Variants in FSAF1 observed in about 807,000 individuals in gnomAD.
FSAF1 encodes 40S small subunit processome assembly factor 1, also known as uncharacterized protein C1orf131.
At chr1:231,241,059 A>G in the FSAF1 span, 1 of 1,614,108 alleles carries the variant, frequency 6.2e-7, no homozygotes, top group Non-Finnish European at 8.5e-7. Flanking sequence ...AGCGTCAAGA[A>G]GTGTCGGAGA....
At chr1:231,232,303 C>T in the FSAF1 span, among the ~76,000 whole-genome samples, 2 of 152,174 alleles carry the variant, frequency 1.3e-5, no homozygotes, top group African/African-American at 4.8e-5. Flanking sequence ...CTCACGCTTC[C>T]CCGTCTACTT....
At chr1:231,224,313 A>G in the FSAF1 span, 4 of 1,612,334 alleles carry the variant, frequency 2.5e-6, no homozygotes, top group Non-Finnish European at 3.4e-6. Flanking sequence ...TATTTTCTTG[A>G]TATCAACTGG....
chr1:231,240,968 A>T, the FSAF1 span: 1 of 1,493,552 alleles, frequency 6.7e-7, no homozygotes, highest in South Asian at 1.1e-5. This position sits in a 1 kb window ranked among gnomAD's most constrained non-coding sequence, Gnocchi z 4.1. Flanking sequence ...GCAACACAGG[A>T]GACCCACGTT....
chr1:231,225,851 G>A, the FSAF1 span: 10 of 323,236 alleles, frequency 3.1e-5, no homozygotes, highest in African/African-American at 1.7e-4. Flanking sequence ...AAAAGAATGT[G>A]AATGGCTATT....
At chr1:231,238,770 A>G in the FSAF1 span, 1 of 1,315,634 alleles carries the variant, frequency 7.6e-7, no homozygotes, top group Non-Finnish European at 1.0e-6. Flanking sequence ...ATAGTCAGGC[A>G]TTCCTGCCAC....
the FSAF1 span, among the ~76,000 whole-genome samples, chr1:231,230,880 A>C: frequency 6.6e-6 from 1 of 152,158 alleles, no homozygotes; most frequent in Non-Finnish European, 1.5e-5. Flanking sequence ...GGTCCAAAAA[A>C]CAGCAAGGCT....
At chr1:231,229,888 G>C in the FSAF1 span, among the ~76,000 whole-genome samples, 1 of 152,162 alleles carries the variant, frequency 6.6e-6, no homozygotes, top group Non-Finnish European at 1.5e-5. Flanking sequence ...GCATCGGTTC[G>C]GCAAGCTGAG....
chr1:231,229,523 G>A, the FSAF1 span, among the ~76,000 whole-genome samples: 1 of 152,140 alleles, frequency 6.6e-6, no homozygotes, highest in Non-Finnish European at 1.5e-5. Flanking sequence ...ATACCCAAAA[G>A]AACTTGAAGA....
At chr1:231,230,364 T>C in the FSAF1 span, among the ~76,000 whole-genome samples, 1 of 152,318 alleles carries the variant, frequency 6.6e-6, no homozygotes, top group Non-Finnish European at 1.5e-5. Context: ...TTCCCTCCCA[T>C]CTGGCCACTA....
chr1:231,234,835 C>A, the FSAF1 span, among the ~76,000 whole-genome samples: 1 of 152,090 alleles, frequency 6.6e-6, no homozygotes, highest in African/African-American at 2.4e-5. This position sits in a 1 kb window ranked among gnomAD's most constrained non-coding sequence, Gnocchi z 4.0. Context: ...CTCTTCATAC[C>A]CCACAATGTT....
the FSAF1 span, chr1:231,225,866 G>A: frequency 6.4e-5 from 19 of 298,304 alleles, no homozygotes; most frequent in Non-Finnish European, 9.7e-5. Context: ...GCTATTCCAG[G>A]TAAGACTAAT....
At chr1:231,227,093 C>T in the FSAF1 span, 81 of 1,610,310 alleles carry the variant, frequency 5.0e-5, 1 homozygote, top group East Asian at 1.1e-3. Context: ...CATAATCAGA[C>T]GCAAGTGCAT....
chr1:231,225,629 A>G, the FSAF1 span: 2 of 998,356 alleles, frequency 2.0e-6, no homozygotes, highest in East Asian at 2.4e-5. Context: ...CATTTTTAAC[A>G]TTTCTTTCAA....
At chr1:231,234,418 C>T in the FSAF1 span, among the ~76,000 whole-genome samples, 1 of 152,152 alleles carries the variant, frequency 6.6e-6, no homozygotes, top group Non-Finnish European at 1.5e-5. The surrounding 1 kb of genome is among the most constrained non-coding windows in gnomAD (Gnocchi z 4.0). Flanking sequence ...TGCTTAAAAG[C>T]ATAAGAATTT....
the FSAF1 span, chr1:231,226,842 A>G: frequency 6.3e-7 from 1 of 1,596,416 alleles, no homozygotes. Context: ...TGAAAGAACA[A>G]AGAAACAAAC....
the FSAF1 span, chr1:231,225,120 C>T: frequency 3.0e-5 from 8 of 266,778 alleles, no homozygotes; most frequent in Admixed American, 9.5e-5. Context: ...TTCATAATTA[C>T]GGTGCTCTAT....
At chr1:231,224,890 T>A in the FSAF1 span, 2 of 167,018 alleles carry the variant, frequency 1.2e-5, no homozygotes, top group African/African-American at 4.8e-5. Context: ...CACCAATACC[T>A]AAGACACCCA....
At chr1:231,227,115 C>T in the FSAF1 span, 1 of 1,579,152 alleles carries the variant, frequency 6.3e-7, no homozygotes, top group Non-Finnish European at 8.7e-7. Context: ...CCAACAACTC[C>T]AAAGAAAAAA....
At chr1:231,238,589 T>C in the FSAF1 span, 1 of 322,284 alleles carries the variant, frequency 3.1e-6, no homozygotes, top group Non-Finnish European at 5.7e-6. Context: ...CTGTACCAAG[T>C]TTTCCCAGAC....
Sources: gnomAD v4.1 joint callset for allele counts (sites outside exome capture counted in the v4.1 genomes callset) on GRCh38, gnomAD v4.1.1 for gene constraint, Gnocchi (gnomAD v3.1) non-coding constraint, MANE v1.5 for transcripts, NCBI Gene and HGNC (gene_info 2026-07-23, HGNC 2026-07-21) for gene names.